CCSER1: variants seen among roughly 807,000 people sequenced by gnomAD.
CCSER1 encodes coiled-coil serine rich protein 1.
In CCSER1, 41 loss-of-function variants were observed where a neutral mutation model predicts 82.0. The ratio of observed to expected loss-of-function variants is 0.50; its 90% CI spans 0.39 to 0.65. CCSER1 has a LOEUF of 0.65. CCSER1 is among the 30% of genes least tolerant of loss of function. CCSER1 has a pLI of 0.00. For synonymous variants in CCSER1, 414 were observed against 383.9 expected, an observed-to-expected ratio of 1.08 and a Z score of -0.92; for missense variants, 1,119 against 1,064.2, an observed-to-expected ratio of 1.05 and a Z score of -0.72.
chr4:91,177,803 A>T lies in CCSER1; in HGVS notation c.2217+91809A>T, dbSNP rs144691683. ...ATTGATTTTTTGAAGTGTTTCTTGC[A>T]TCTCTATCTCCTTCAGTTCTGCTCT... On this transcript the variant is annotated intron_variant, in intron 10 of 10. Transcript: ENST00000509176. Among the ~76,000 whole-genome samples the T allele has an allele frequency of 8.1e-3, 1,230 of 152,090 alleles. 6 individuals are homozygous for T. Among genetic ancestry groups the T allele is most frequent in the African/African-American group, 0.019 (786 of 41,482 alleles).
intron 7 of CCSER1, among the ~76,000 whole-genome samples, chr4:90,790,780 C>T (rs1012965246): frequency 6.6e-6 from 1 of 152,184 alleles, no homozygotes; most frequent in Non-Finnish European, 1.5e-5. Flanking sequence ...CTCCTGTCTT[C>T]TGAGCCCTCC....
chr4:91,405,741 G>T (rs182764232), intron 10 of CCSER1, among the ~76,000 whole-genome samples: 2 of 152,292 alleles, frequency 1.3e-5, no homozygotes, highest in East Asian at 3.9e-4. Flanking sequence ...CAGTATTAGG[G>T]TAAGAGTGTC....
intron 3 of CCSER1, among the ~76,000 whole-genome samples, chr4:90,326,127 C>T (rs369756204): frequency 1.4e-5 from 2 of 143,236 alleles, no homozygotes; most frequent in African/African-American, 2.6e-5. Context: ...GGCGCAATCT[C>T]GGCTCACTGC....
intron 3 of CCSER1, among the ~76,000 whole-genome samples, chr4:90,355,533 G>T (rs995090109): frequency 6.6e-6 from 1 of 151,900 alleles, no homozygotes; most frequent in South Asian, 2.1e-4. Context: ...TTTCATATCA[G>T]AAAATCCATG....
chr4:91,560,923 G>A (rs7693738), intron 10 of CCSER1, among the ~76,000 whole-genome samples: 80,903 of 150,964 alleles, frequency 0.54, 21,851 homozygotes, highest in East Asian at 0.61. Context: ...CAGAGCTAGT[G>A]CTTACACATT....
At chr4:91,378,320 A>G (rs886544333) in intron 10 of CCSER1, among the ~76,000 whole-genome samples, 6 of 152,162 alleles carry the variant, frequency 3.9e-5, no homozygotes, top group Admixed American at 3.9e-4. Flanking sequence ...GATGGCATTG[A>G]ATCTATAAAT....
chr4:91,192,500 A>C (rs550991692), intron 10 of CCSER1, among the ~76,000 whole-genome samples: 57 of 152,276 alleles, frequency 3.7e-4, no homozygotes, highest in African/African-American at 1.2e-3. Flanking sequence ...TATCTATTTT[A>C]CTTGATGTTA....
At chr4:90,622,197 T>A (rs576886312) in intron 5 of CCSER1, among the ~76,000 whole-genome samples, 12 of 152,284 alleles carry the variant, frequency 7.9e-5, no homozygotes, top group African/African-American at 2.9e-4. Flanking sequence ...TCTTACCATA[T>A]AAAAGAGGTA....
At chr4:90,651,598 C>G (rs1019735923) in intron 6 of CCSER1, among the ~76,000 whole-genome samples, 1 of 151,654 alleles carries the variant, frequency 6.6e-6, no homozygotes, top group African/African-American at 2.4e-5. Flanking sequence ...GGTGACAGGT[C>G]GATGGGTGCA....
At chr4:90,378,893 A>G (rs1748774432) in intron 3 of CCSER1, among the ~76,000 whole-genome samples, 1 of 152,280 alleles carries the variant, frequency 6.6e-6, no homozygotes, top group African/African-American at 2.4e-5. Context: ...CCCCTAATTT[A>G]AATATATAGT....
intron 3 of CCSER1, among the ~76,000 whole-genome samples, chr4:90,387,530 G>T (rs1380120617): frequency 1.3e-5 from 2 of 152,250 alleles, no homozygotes; most frequent in East Asian, 3.9e-4. Context: ...TCTTAGAGTA[G>T]AGGCTGACTA....
At chr4:90,350,497 G>A (rs745389992) in intron 3 of CCSER1, among the ~76,000 whole-genome samples, 3 of 152,052 alleles carry the variant, frequency 2.0e-5, no homozygotes, top group Middle Eastern at 3.2e-3. Flanking sequence ...TATTTGCTAA[G>A]CATGTAATTG....
chr4:90,685,959 T>C (rs548206559), intron 6 of CCSER1, among the ~76,000 whole-genome samples: 9 of 152,264 alleles, frequency 5.9e-5, no homozygotes, highest in Admixed American at 4.6e-4. Flanking sequence ...CACTTTGAGA[T>C]TGCACATTTT....
At chr4:91,087,602 A>T (rs558186847) in intron 10 of CCSER1, among the ~76,000 whole-genome samples, 59 of 152,236 alleles carry the variant, frequency 3.9e-4, no homozygotes, top group African/African-American at 1.4e-3. Flanking sequence ...ATAATTTACA[A>T]TTTAATGTAT....
chr4:91,599,347 A>G lies in CCSER1; in HGVS notation c.*290A>G, dbSNP rs10013578. On this transcript the variant is annotated 3_prime_UTR_variant, in exon 11 of 11. Transcript: ENST00000509176. The stretch of plus-strand genomic sequence containing the variant: ...CGTTTATATAGTCCATAATTTATTT[A>G]TTTTTTATCTCTATCACTTACTGAT... The G allele has an allele frequency of 0.037, 9,083 of 244,392 alleles. 431 individuals are homozygous for G. The highest frequency in any genetic ancestry group is 0.13 in the African/African-American group (5,916 of 44,500). The allele number at this position is 244,392 out of a possible 1,614,324, so 15.1% of individuals were successfully genotyped here.
intron 6 of CCSER1, among the ~76,000 whole-genome samples, chr4:90,661,477 T>C (rs1359472642): frequency 6.6e-6 from 1 of 152,116 alleles, no homozygotes; most frequent in East Asian, 1.9e-4. Flanking sequence ...GAAGAAGCAA[T>C]GTAAAGGCTT....
chr4:91,173,162 T>C (rs17018184), intron 10 of CCSER1, among the ~76,000 whole-genome samples: 2,039 of 152,328 alleles, frequency 0.013, 30 homozygotes, highest in African/African-American at 0.037. Context: ...TAAGTAATTA[T>C]ATGTGAGGTT....
At chr4:90,297,821 G>T (rs1466090164) in intron 1 of CCSER1, among the ~76,000 whole-genome samples, 6 of 152,064 alleles carry the variant, frequency 3.9e-5, no homozygotes, top group South Asian at 2.1e-4. Context: ...TATTGAACCA[G>T]CCTTGCATCC....
At chr4:91,220,981 T>G (rs1737697045) in intron 10 of CCSER1, among the ~76,000 whole-genome samples, 1 of 152,228 alleles carries the variant, frequency 6.6e-6, no homozygotes, top group African/African-American at 2.4e-5. Flanking sequence ...TTAACTGACG[T>G]ATTCAATACA....
Sources: allele counts gnomAD v4.1 joint callset (sites outside exome capture counted in the v4.1 genomes callset), GRCh38; gene constraint gnomAD v4.1.1; transcripts MANE v1.5; gene names NCBI Gene and HGNC (gene_info 2026-07-23, HGNC 2026-07-21).